Variants in KCNH5 observed in about 807,000 individuals in gnomAD.
KCNH5 encodes potassium voltage-gated channel subfamily H member 5.
KCNH5 carries 46 observed loss-of-function variants against 96.1 expected under a neutral mutation model. The ratio of observed to expected loss-of-function variants is 0.48; its 90% CI spans 0.38 to 0.61. The LOEUF (loss-of-function observed/expected upper bound fraction) is 0.61. KCNH5 is among the 20% of genes least tolerant of loss of function. The probability of loss-of-function intolerance (pLI) is 0.00; values close to 1 mark genes in which losing one functional copy is unlikely to be tolerated. For missense variants in KCNH5, 907 were observed against 1,225.8 expected (o/e 0.74, Z 3.88); for synonymous variants, 439 against 449.8 (o/e 0.98, Z 0.30).
At position 62,889,336 on chromosome 14, in the gene KCNH5, C is replaced by T. The variant is rs368462349; in HGVS notation, c.1370-39484G>A. Reference sequence around the variant, plus strand: ...GAACAAAAGGAATGAAAACCTCCCCCTCACAGAGCTTACATCCCAGCAGAG... The same window carrying T: ...GAACAAAAGGAATGAAAACCTCCCCTTCACAGAGCTTACATCCCAGCAGAG... On this transcript the variant is annotated intron_variant, in intron 7 of 10. Coordinates refer to ENST00000322893, the MANE Select transcript of KCNH5 (RefSeq NM_139318.5). 5.9e-5 allele frequency among the ~76,000 whole-genome samples: 9 copies of T among 152,316 alleles called. No homozygotes were observed. The East Asian group carries it at 9.6e-4, about 16-fold the overall frequency.
intron 7 of KCNH5, among the ~76,000 whole-genome samples, chr14:62,899,940 T>C (rs1297116053): frequency 6.6e-6 from 1 of 152,238 alleles, no homozygotes; most frequent in Non-Finnish European, 1.5e-5. Flanking sequence ...TTAATATCTC[T>C]GAAATCAAAC....
At chr14:62,821,870 G>A (rs1443338821) in intron 8 of KCNH5, among the ~76,000 whole-genome samples, 3 of 152,136 alleles carry the variant, frequency 2.0e-5, no homozygotes, top group African/African-American at 4.8e-5. Context: ...ATGGCAGATC[G>A]AAGACAGCAA....
At chr14:63,005,735 T>C (rs115379772) in intron 3 of KCNH5, among the ~76,000 whole-genome samples, 3 of 152,188 alleles carry the variant, frequency 2.0e-5, no homozygotes, top group African/African-American at 7.2e-5. Flanking sequence ...CAAACTCTGA[T>C]GGAAAGTCTA....
chr14:62,775,207 G>T (rs182158435), intron 10 of KCNH5, among the ~76,000 whole-genome samples: 1 of 152,126 alleles, frequency 6.6e-6, no homozygotes, highest in African/African-American at 2.4e-5. Context: ...AAAGCTAAAT[G>T]TCAGTTAGAA....
chr14:62,934,023 T>C (rs1889629163), intron 7 of KCNH5, among the ~76,000 whole-genome samples: 1 of 152,158 alleles, frequency 6.6e-6, no homozygotes, highest in African/African-American at 2.4e-5. Context: ...AAATTAGCAG[T>C]TCAAATTACG....
At chr14:62,965,965 T>C (rs938351862) in intron 6 of KCNH5, among the ~76,000 whole-genome samples, 3 of 152,156 alleles carry the variant, frequency 2.0e-5, no homozygotes, top group African/African-American at 7.2e-5. Context: ...ATCTGTAATC[T>C]ATGGTAAAAT....
Position 62,996,150 on chromosome 14 carries a change from C to T in KCNH5, c.433+5181G>A, listed in dbSNP as rs12590475. 7.6e-3 allele frequency among the ~76,000 whole-genome samples: 1,161 copies of T among 152,196 alleles called. 42 individuals are homozygous for T. The East Asian group carries it at 0.11, about 14-fold the overall frequency. ...AAAAGTAGAAAGATAGGTGCTTATG[C>T]CAATATTTTAAAATGTACTTTCCTA... On this transcript the variant is annotated intron_variant, in intron 4 of 10. Coordinates refer to ENST00000322893, the MANE Select transcript of KCNH5 (RefSeq NM_139318.5).
intron 10 of KCNH5, among the ~76,000 whole-genome samples, chr14:62,741,724 T>G (rs1039698895): frequency 6.6e-6 from 1 of 152,178 alleles, no homozygotes; most frequent in African/African-American, 2.4e-5. Context: ...ACCTATGTAA[T>G]CATTCTTTCC....
chr14:62,992,807 C>G (rs1191156333), intron 4 of KCNH5, among the ~76,000 whole-genome samples: 4 of 151,980 alleles, frequency 2.6e-5, no homozygotes, highest in Admixed American at 2.6e-4. Context: ...TGTATAGAAG[C>G]TTTTAGTTTA....
intron 7 of KCNH5, among the ~76,000 whole-genome samples, chr14:62,876,536 GT>G (rs1168287798): frequency 6.6e-6 from 1 of 152,130 alleles, no homozygotes; most frequent in East Asian, 1.9e-4. Context: ...CAAAAATCCA[GT>G]TTTATTTCTA....
At chr14:62,915,671 T>G (rs2140104171) in intron 7 of KCNH5, among the ~76,000 whole-genome samples, 1 of 152,344 alleles carries the variant, frequency 6.6e-6, no homozygotes, top group South Asian at 2.1e-4. Flanking sequence ...CCAATAAGCA[T>G]TTATAAAAGC....
chr14:62,934,046 G>T (rs1490312439), intron 7 of KCNH5, among the ~76,000 whole-genome samples: 1 of 152,014 alleles, frequency 6.6e-6, no homozygotes, highest in Admixed American at 6.6e-5. Context: ...GCACAGAAAG[G>T]CTCTGATCAA....
rs540593165 is a variant in KCNH5 at position 63,038,097 on chromosome 14, G to T, written c.73+7017C>A. ...CATCTGATTTGCCCTATGCAGTGTG[G>T]TTTCTGTTTTCAGATATATGCATTG... On this transcript the variant is annotated intron_variant, in intron 1 of 10. Transcript: ENST00000322893. Among the ~76,000 whole-genome samples, 3 of 152,254 alleles carry T rather than the reference G, an allele frequency of 2.0e-5. No homozygotes were observed. The South Asian group carries it at 6.2e-4, about 32-fold the overall frequency.
intron 10 of KCNH5, among the ~76,000 whole-genome samples, chr14:62,778,019 A>G (rs73271198): frequency 0.048 from 7,339 of 152,282 alleles, 236 homozygotes; most frequent in South Asian, 0.08. Context: ...GATTTGAAGG[A>G]AAAATAACTG....
At chr14:62,781,741 T>C (rs1886223442) in intron 9 of KCNH5, among the ~76,000 whole-genome samples, 1 of 152,214 alleles carries the variant, frequency 6.6e-6, no homozygotes, top group Admixed American at 6.5e-5. Flanking sequence ...ATTGCTGTTA[T>C]CCTGTTCTTT....
intron 6 of KCNH5, among the ~76,000 whole-genome samples, chr14:62,950,770 T>C (rs1377546263): frequency 2.6e-5 from 4 of 152,162 alleles, no homozygotes; most frequent in African/African-American, 9.6e-5. Context: ...ATTCATATTT[T>C]CAAATTATTA....
intron 6 of KCNH5, among the ~76,000 whole-genome samples, chr14:62,969,508 T>TG (rs1394048861): frequency 2.6e-5 from 4 of 152,068 alleles, no homozygotes; most frequent in Admixed American, 6.5e-5. Flanking sequence ...ACACCACATG[T>TG]TCTTACTCAT....
chr14:62,817,250 C>CAT (rs892922578), intron 8 of KCNH5, among the ~76,000 whole-genome samples: 5 of 119,528 alleles, frequency 4.2e-5, no homozygotes, highest in South Asian at 5.0e-4. Context: ...TATAGTATAT[C>CAT]ATATATATAT....
At chr14:63,040,409 T>A (rs1341211611) in intron 1 of KCNH5, among the ~76,000 whole-genome samples, 2 of 152,094 alleles carry the variant, frequency 1.3e-5, no homozygotes, top group African/African-American at 2.4e-5. Context: ...CAAGGGACAA[T>A]CTTGTGGCTT....
Sources: allele counts gnomAD v4.1 joint callset (sites outside exome capture counted in the v4.1 genomes callset), GRCh38; gene constraint gnomAD v4.1.1; transcripts MANE v1.5; gene names NCBI Gene and HGNC (gene_info 2026-07-23, HGNC 2026-07-21).